TEX11: variants seen among roughly 807,000 people sequenced by gnomAD.
The protein encoded by TEX11 is testis expressed 11.
A neutral mutation model predicts 84.4 loss-of-function variants in TEX11; 7 were observed. The observed-to-expected ratio is 0.08, with a 90% CI of 0.05 to 0.16. The LOEUF (loss-of-function observed/expected upper bound fraction) is 0.16. Ranked by LOEUF, TEX11 falls within the 10% of genes least tolerant of loss-of-function variation. The pLI is 1.00. For missense variants in TEX11, 551 were observed against 660.5 expected (o/e 0.83, Z 1.82); for synonymous variants, 264 against 222.8 (o/e 1.18, Z -1.64).
intron 11 of TEX11, among the ~76,000 whole-genome samples, chrX:70,737,998 T>G (rs1038154114): frequency 9.0e-6 from 1 of 111,635 alleles, no homozygotes; most frequent in Non-Finnish European, 1.9e-5. Flanking sequence ...ATAAAAACCC[T>G]AGAAGAAAAC....
intron 9 of TEX11, among the ~76,000 whole-genome samples, chrX:70,787,061 G>A (rs780158269): frequency 3.6e-5 from 4 of 111,453 alleles, no homozygotes; most frequent in Non-Finnish European, 5.7e-5. Context: ...TTGAACCTGG[G>A]AGAAGGAGGT....
intron 13 of TEX11, among the ~76,000 whole-genome samples, chrX:70,691,527 C>T (rs781770578): frequency 3.6e-5 from 4 of 111,054 alleles, no homozygotes; most frequent in African/African-American, 9.8e-5. Context: ...TGAATAAACG[C>T]GGAGGACACT....
intron 15 of TEX11, among the ~76,000 whole-genome samples, chrX:70,673,876 C>A (rs2090046087): frequency 8.9e-6 from 1 of 111,840 alleles, no homozygotes; most frequent in East Asian, 2.8e-4. Context: ...TATTCTCTCT[C>A]AGGTTGTTTT....
At chrX:70,617,801 A>G (rs1274945336) in intron 20 of TEX11, among the ~76,000 whole-genome samples, 1 of 111,564 alleles carries the variant, frequency 9.0e-6, no homozygotes, top group Non-Finnish European at 1.9e-5. Flanking sequence ...AATAAAATGG[A>G]AGTGGTTTAT....
chrX:70,517,455 T>C, the TEX11 span, among the ~76,000 whole-genome samples: 6,948 of 110,986 alleles, frequency 0.063, 189 homozygotes, highest in African/African-American at 0.099. Context: ...ACCAGCCTTG[T>C]ATCCCAGGGT....
At chrX:70,571,322 T>G (rs1388404995) in intron 25 of TEX11, among the ~76,000 whole-genome samples, 1 of 111,987 alleles carries the variant, frequency 8.9e-6, no homozygotes. Context: ...CCCAGCCTGA[T>G]TTTCTGTGTT....
At chrX:70,855,938 T>C (rs1282145999) in intron 5 of TEX11, among the ~76,000 whole-genome samples, 3 of 111,694 alleles carry the variant, frequency 2.7e-5, no homozygotes, top group Non-Finnish European at 5.6e-5. Flanking sequence ...AAAATAAATA[T>C]CTGTTGTTTA....
chrX:70,519,292 T>A, the TEX11 span, among the ~76,000 whole-genome samples: 733 of 112,143 alleles, frequency 6.5e-3, 4 homozygotes, highest in Middle Eastern at 0.014. Context: ...TCAGGAGCTC[T>A]TGTAAGGGAG....
intron 8 of TEX11, among the ~76,000 whole-genome samples, chrX:70,812,766 T>C (rs1465004467): frequency 1.8e-5 from 2 of 110,865 alleles, no homozygotes; most frequent in Non-Finnish European, 3.8e-5. Context: ...AAAGGGGATA[T>C]CACCACCGAT....
chrX:70,558,877 A>G (rs976674888), intron 25 of TEX11, among the ~76,000 whole-genome samples: 1 of 112,118 alleles, frequency 8.9e-6, no homozygotes, highest in African/African-American at 3.2e-5. Context: ...ATATCACTAT[A>G]CATTCACTAG....
At chrX:70,901,961 T>TA (rs915778094) in intron 2 of TEX11, among the ~76,000 whole-genome samples, 6 of 112,824 alleles carry the variant, frequency 5.3e-5, no homozygotes, top group Non-Finnish European at 9.4e-5. Context: ...TATAAAAGAT[T>TA]AAAAATGACT....
chrX:70,703,944 G>A (rs1285866077), intron 13 of TEX11, among the ~76,000 whole-genome samples: 1 of 111,640 alleles, frequency 9.0e-6, no homozygotes, highest in Non-Finnish European at 1.9e-5. Context: ...GTAGTCTCCA[G>A]TGTTGGAGGT....
In TEX11 at chrX:70,759,160, C is replaced by T. The variant is rs751660975; in HGVS notation, c.693-14941G>A. On this transcript the variant is annotated intron_variant, in intron 9 of 29. Transcript: ENST00000374333. ...CAACCAAAAAAAGTCCAGGACCAGA[C>T]GGACTCACAGCCAAATTCTATCAGA... Among the ~76,000 whole-genome samples, 24 of 111,515 alleles carry T rather than the reference C, an allele frequency of 2.2e-4. No individual in the cohort carries two copies. The East Asian group carries it at 3.1e-3, about 14-fold the overall frequency.
intron 2 of TEX11, among the ~76,000 whole-genome samples, chrX:70,898,083 T>C (rs1360917492): frequency 9.0e-6 from 1 of 111,610 alleles, no homozygotes; most frequent in Non-Finnish European, 1.9e-5. Flanking sequence ...ATGCCTGGTG[T>C]CTTGCTAGGA....
chrX:70,798,839 A>T (rs762099612), intron 9 of TEX11, among the ~76,000 whole-genome samples: 7 of 112,016 alleles, frequency 6.2e-5, no homozygotes, highest in Non-Finnish European at 1.1e-4. Context: ...CAAAAAATCA[A>T]TTAAAAATGG....
intron 7 of TEX11, among the ~76,000 whole-genome samples, chrX:70,851,550 T>G (rs1206942111): frequency 9.0e-6 from 1 of 111,011 alleles, no homozygotes; most frequent in African/African-American, 3.3e-5. Context: ...AATAAAATAG[T>G]TCAGCCACTA....
intron 13 of TEX11, among the ~76,000 whole-genome samples, chrX:70,693,858 A>C (rs2090257429): frequency 8.9e-6 from 1 of 111,862 alleles, no homozygotes; most frequent in Admixed American, 9.5e-5. Context: ...ATGTATGCAT[A>C]TATCAAAATA....
chrX:70,642,175 T>C (rs1339483337), intron 17 of TEX11, among the ~76,000 whole-genome samples: 3 of 111,385 alleles, frequency 2.7e-5, no homozygotes, highest in Non-Finnish European at 5.7e-5. Flanking sequence ...CTAGAAGAAA[T>C]GGATAAACTC....
At chrX:70,844,162 G>T (rs1257123655) in intron 7 of TEX11, among the ~76,000 whole-genome samples, 1 of 109,962 alleles carries the variant, frequency 9.1e-6, no homozygotes, top group Non-Finnish European at 1.9e-5. Flanking sequence ...ACATGCACAC[G>T]TATGTTTATA....
Sources: gnomAD v4.1 joint callset for allele counts (sites outside exome capture counted in the v4.1 genomes callset) on GRCh38, gnomAD v4.1.1 for gene constraint, MANE v1.5 for transcripts, NCBI Gene and HGNC (gene_info 2026-07-23, HGNC 2026-07-21) for gene names.